Variants in ALK observed in about 807,000 individuals in gnomAD.
ALK encodes ALK receptor tyrosine kinase, also known as ALK tyrosine kinase receptor.
Under a neutral mutation model 163.1 loss-of-function variants are expected in ALK, and 74 were observed. That is an observed-to-expected ratio of 0.45 (90% CI 0.38 to 0.55). ALK has a LOEUF of 0.55. ALK is among the 20% of genes least tolerant of loss of function. The pLI, the probability that ALK is intolerant of heterozygous loss-of-function variation, is 0.00. For missense variants in ALK, 2,063 were observed against 2,105.3 expected, an observed-to-expected ratio of 0.98 and a Z score of 0.39; for synonymous variants, 960 against 843.2, an observed-to-expected ratio of 1.14 and a Z score of -2.40.
chr2:29,889,342 A>G (rs1445362434), intron 1 of ALK, among the ~76,000 whole-genome samples: 1 of 152,002 alleles, frequency 6.6e-6, no homozygotes, highest in Non-Finnish European at 1.5e-5. Flanking sequence ...TTTATTTACT[A>G]ATGTTTACTT....
intron 1 of ALK, among the ~76,000 whole-genome samples, chr2:29,842,449 C>T (rs1248752287): frequency 3.3e-5 from 5 of 152,190 alleles, no homozygotes; most frequent in African/African-American, 7.2e-5. Context: ...TACCAGGGCA[C>T]ACAGCTATAT....
intron 3 of ALK, among the ~76,000 whole-genome samples, chr2:29,642,948 T>A (rs1270349804): frequency 2.0e-5 from 3 of 152,320 alleles, no homozygotes; most frequent in African/African-American, 7.2e-5. Flanking sequence ...TATCATACTA[T>A]GTGAGATTAA....
At chr2:29,865,334 C>T (rs1666405250) in intron 1 of ALK, among the ~76,000 whole-genome samples, 1 of 152,168 alleles carries the variant, frequency 6.6e-6, no homozygotes, top group African/African-American at 2.4e-5. Context: ...CCACAGAGCC[C>T]AAGAACAGGC....
chr2:29,307,078 C>T (rs1666529302), intron 8 of ALK, among the ~76,000 whole-genome samples: 1 of 152,238 alleles, frequency 6.6e-6, no homozygotes, highest in African/African-American at 2.4e-5. Flanking sequence ...CTCTCATGGC[C>T]CATTCCTCCT....
At chr2:29,738,124 T>C (rs1679945746) in intron 1 of ALK, among the ~76,000 whole-genome samples, 1 of 151,910 alleles carries the variant, frequency 6.6e-6, no homozygotes, top group South Asian at 2.1e-4. Flanking sequence ...GAAGATCATG[T>C]TATATTATAC....
intron 1 of ALK, among the ~76,000 whole-genome samples, chr2:29,771,008 C>T (rs1342273437): frequency 7.6e-6 from 1 of 132,398 alleles, no homozygotes; most frequent in East Asian, 2.5e-4. Context: ...CACATGCACA[C>T]ATACACAAAT....
At chr2:29,392,120 G>C (rs1043435144) in intron 4 of ALK, among the ~76,000 whole-genome samples, 1 of 152,192 alleles carries the variant, frequency 6.6e-6, no homozygotes, top group Non-Finnish European at 1.5e-5. Flanking sequence ...CTGTGTGGTG[G>C]GATTTGGGGG....
At chr2:29,802,555 A>AGG in intron 1 of ALK, among the ~76,000 whole-genome samples, 5 of 13,794 alleles carry the variant, frequency 3.6e-4, no homozygotes, top group African/African-American at 4.7e-4. Flanking sequence ...AGGGGAGGGG[A>AGG]GGAGAGGGGA....
rs138683886 is a variant in ALK, at chr2:29,735,758, C to T, written c.668-18061G>A. ...TATAAGGAGCTTTTCCCCCTTTGCTCGGCATTTCTTTCTCCAGCTGCCATG... is the reference window on the plus strand; with the variant it reads ...TATAAGGAGCTTTTCCCCCTTTGCTTGGCATTTCTTTCTCCAGCTGCCATG... On this transcript the variant is annotated intron_variant, in intron 1 of 28. Coordinates refer to ENST00000389048, the MANE Select transcript of ALK (RefSeq NM_004304.5). Among the ~76,000 whole-genome samples, 1,114 of 152,082 alleles carry T rather than the reference C, an allele frequency of 7.3e-3. 28 individuals are homozygous for T. The highest frequency in any genetic ancestry group is 0.026 in the African/African-American group (1,080 of 41,400).
intron 5 of ALK, among the ~76,000 whole-genome samples, chr2:29,352,218 C>T (rs1228457695): frequency 1.3e-5 from 2 of 152,202 alleles, no homozygotes; most frequent in Non-Finnish European, 2.9e-5. Flanking sequence ...GGGAAGAGCA[C>T]ATGAGATGTA....
At chr2:29,259,935 T>G (rs1192212504) in intron 11 of ALK, among the ~76,000 whole-genome samples, 1 of 152,088 alleles carries the variant, frequency 6.6e-6, no homozygotes, top group Non-Finnish European at 1.5e-5. Flanking sequence ...AAAAAAATAC[T>G]TTGGGCACCT....
At chr2:29,336,658 C>G (rs1392054764) in intron 5 of ALK, among the ~76,000 whole-genome samples, 1 of 152,238 alleles carries the variant, frequency 6.6e-6, no homozygotes, top group Non-Finnish European at 1.5e-5. Context: ...ACCCATGCAT[C>G]CTCTGCTCTT....
At chr2:29,431,628 A>G (rs1377411921) in intron 4 of ALK, among the ~76,000 whole-genome samples, 1 of 152,174 alleles carries the variant, frequency 6.6e-6, no homozygotes, top group Non-Finnish European at 1.5e-5. Flanking sequence ...CACTGCAAGC[A>G]AGAACTGCAA....
chr2:29,319,051 A>G (rs891978563), intron 7 of ALK: 3 of 153,172 alleles, frequency 2.0e-5, no homozygotes, highest in Non-Finnish European at 2.9e-5. Context: ...TGTGACCTTC[A>G]CTCTCTTCTC....
chr2:29,344,955 G>C (rs990281237), intron 5 of ALK, among the ~76,000 whole-genome samples: 1 of 152,206 alleles, frequency 6.6e-6, no homozygotes, highest in African/African-American at 2.4e-5. Context: ...TTTAGTATGA[G>C]CTGTGTGAAG....
intron 1 of ALK, among the ~76,000 whole-genome samples, chr2:29,882,106 A>C (rs1236842353): frequency 6.6e-6 from 1 of 152,144 alleles, no homozygotes; most frequent in Non-Finnish European, 1.5e-5. Flanking sequence ...AATAAACTTA[A>C]TCATTTCTAA....
In ALK at chr2:29,193,358, A is replaced by C. The variant is rs200829376; in HGVS notation, c.4729T>G (p.Phe1577Val). 10 of 1,614,094 alleles carry C rather than the reference A, an allele frequency of 6.2e-6. No homozygotes were observed. Among genetic ancestry groups the C allele is most frequent in the South Asian group, 1.1e-5 (1 of 91,090 alleles). ...KEVPLFRLRH[F>V]PCGNVNYGYQ... ...CCGTAATTGACATTCCCACAAGGGA[A>C]GTGACGTAGCCTGAACAGAGGTACC... The change falls in exon 29 of 29, where the codon TTC becomes GTC. Residue 1577 changes from phenylalanine (F) to valine (V), a missense_variant. Coordinates refer to ENST00000389048, the MANE Select transcript of ALK (RefSeq NM_004304.5).
intron 1 of ALK, among the ~76,000 whole-genome samples, chr2:29,884,598 A>G (rs866664815): frequency 5.3e-5 from 8 of 152,248 alleles, no homozygotes; most frequent in African/African-American, 9.6e-5. Context: ...TAAGAAAGCC[A>G]TACCTATAGA....
chr2:29,278,545 GT>G (rs2148217410), intron 9 of ALK, among the ~76,000 whole-genome samples: 1 of 152,274 alleles, frequency 6.6e-6, no homozygotes, highest in Non-Finnish European at 1.5e-5. Flanking sequence ...TTTCCGTGGG[GT>G]CTCCCCATGG....
Sources: allele counts gnomAD v4.1 joint callset (sites outside exome capture counted in the v4.1 genomes callset), GRCh38; gene constraint gnomAD v4.1.1; transcripts MANE v1.5; gene names NCBI Gene and HGNC (gene_info 2026-07-23, HGNC 2026-07-21).